Variants in DLG1 observed in about 807,000 individuals in gnomAD.
The protein encoded by DLG1 is discs large MAGUK scaffold protein 1.
Under a neutral mutation model 123.4 loss-of-function variants are expected in DLG1, and 42 were observed. That is an observed-to-expected ratio of 0.34 (90% CI 0.27 to 0.44). DLG1 has a LOEUF of 0.44. Among genes scored for constraint, DLG1 ranks in the 20% least tolerant of loss-of-function variants. The probability of loss-of-function intolerance (pLI) is 1.00; values close to 1 mark genes in which losing one functional copy is unlikely to be tolerated. For synonymous variants in DLG1, 317 were observed against 356.2 expected (o/e 0.89, Z 1.24); for missense variants, 942 against 1,082.6 (o/e 0.87, Z 1.82).
At chr3:197,152,762 C>CAAAAA (rs63446260) in intron 5 of DLG1, among the ~76,000 whole-genome samples, 6 of 52,520 alleles carry the variant, frequency 1.1e-4, no homozygotes, top group African/African-American at 1.6e-4. Flanking sequence ...GACTCTGTCT[C>CAAAAA]AAAAAAAAAA....
At chr3:197,137,566 A>T (rs1368246637) in intron 9 of DLG1, among the ~76,000 whole-genome samples, 2 of 152,210 alleles carry the variant, frequency 1.3e-5, no homozygotes, top group Admixed American at 1.3e-4. Flanking sequence ...TACTTTTAAA[A>T]ACTCTTAAAA....
rs1804920638 is a variant in DLG1 at position 197,172,840 on chromosome 3, C to A, written c.483+21585G>T. On this transcript the variant is annotated intron_variant, in intron 5 of 24. Coordinates refer to ENST00000667157, the MANE Select transcript of DLG1 (RefSeq NM_001366207.1). ...GCAATAATGAATTGCCTAATAATGT[C>A]CCATTTGAAAATAAACATGTCTTGG... Among the ~76,000 whole-genome samples, 3 of 152,244 alleles carry A rather than the reference C, an allele frequency of 2.0e-5. No individual in the cohort carries two copies. In the South Asian group the frequency reaches 6.2e-4, roughly 32 times the overall value.
chr3:197,149,037 C>T (rs1323122792), intron 6 of DLG1, among the ~76,000 whole-genome samples: 1 of 152,058 alleles, frequency 6.6e-6, no homozygotes, highest in Non-Finnish European at 1.5e-5. Flanking sequence ...TACTTTTTTA[C>T]CTTAACAAAT....
At chr3:197,076,743 G>C in intron 17 of DLG1, 58 bp from the exon 18 acceptor site, 1 of 1,311,142 alleles carries the variant, frequency 7.6e-7, no homozygotes, top group Non-Finnish European at 1.1e-6. Context: ...GTGTACAAAG[G>C]CCCAGCCTAG....
chr3:197,113,613 C>G (rs1378197363), intron 13 of DLG1, among the ~76,000 whole-genome samples: 2 of 152,098 alleles, frequency 1.3e-5, no homozygotes, highest in Non-Finnish European at 2.9e-5. Flanking sequence ...CTTTTACTTA[C>G]AACCCATGAA....
rs1474220632 is a variant in DLG1 at position 197,282,711 on chromosome 3, T to C, written c.286A>G (p.Thr96Ala). The change falls in exon 4 of 25, where the codon ACA (threonine) becomes GCA (alanine). Residue 96 changes from threonine to alanine, a missense_variant. Coordinates refer to ENST00000667157, the MANE Select transcript of DLG1 (RefSeq NM_001366207.1). ...CTAGGGCTAAGGCTGCTTGGCAGTG[T>C]CTCTGAAGTCACAGTAGAGCTTGGA... The part of the protein sequence containing the change: ...SLPSSTVTSE[T>A]LPSSLSPSVE... The C allele has an allele frequency of 1.2e-6, 2 of 1,609,046 alleles. No individual in the cohort carries two copies. The highest frequency in any genetic ancestry group is 1.7e-5 in the Admixed American group (1 of 58,778).
At chr3:197,282,403 C>A (rs773933757) in intron 4 of DLG1, among the ~76,000 whole-genome samples, 5 of 152,134 alleles carry the variant, frequency 3.3e-5, no homozygotes, top group Non-Finnish European at 7.3e-5. Context: ...ACAGATGAAG[C>A]CTTGTTGAGG....
chr3:197,063,209 TAC>T (rs1015059461), intron 22 of DLG1, among the ~76,000 whole-genome samples: 25 of 150,120 alleles, frequency 1.7e-4, no homozygotes, highest in Non-Finnish European at 3.6e-4. Context: ...AAAAAAGAAA[TAC>T]AGTCAGGTTT....
intron 4 of DLG1, among the ~76,000 whole-genome samples, chr3:197,224,850 GA>G (rs148243160): frequency 0.017 from 2,607 of 152,002 alleles, 83 homozygotes; most frequent in African/African-American, 0.059. Flanking sequence ...AAACTAAAAA[GA>G]AAAAAAAGTT....
intron 3 of DLG1, chr3:197,293,779 C>G (rs1776067698): frequency 6.5e-6 from 1 of 153,838 alleles, no homozygotes; most frequent in South Asian, 2.0e-4. Context: ...CAAGTGATTT[C>G]CAAATTAAGG....
chr3:197,152,436 T>G (rs548443235), intron 5 of DLG1, among the ~76,000 whole-genome samples: 353 of 149,164 alleles, frequency 2.4e-3, no homozygotes, highest in Non-Finnish European at 3.6e-3. Context: ...TTTTTTTTTT[T>G]TTTTGAGATG....
chr3:197,102,917 G>A (rs1764302332), intron 14 of DLG1, among the ~76,000 whole-genome samples: 1 of 152,162 alleles, frequency 6.6e-6, no homozygotes, highest in South Asian at 2.1e-4. Flanking sequence ...AGCTATTCCA[G>A]AAAGTCGAGG....
chr3:197,113,484 C>G (rs1227317359), intron 13 of DLG1, among the ~76,000 whole-genome samples: 1 of 152,120 alleles, frequency 6.6e-6, no homozygotes, highest in Non-Finnish European at 1.5e-5. Context: ...TTTTATCTTT[C>G]TCGCTGCTTT....
chr3:197,056,824 C>A (rs1732014048), intron 23 of DLG1, among the ~76,000 whole-genome samples: 1 of 152,150 alleles, frequency 6.6e-6, no homozygotes, highest in African/African-American at 2.4e-5. Flanking sequence ...TAGTCACCAA[C>A]CCATTCTTAC....
rs191310356 is a variant in DLG1 at position 197,219,333 on chromosome 3, T to A, written c.319-24744A>T. Among the ~76,000 whole-genome samples, 29 of 152,340 alleles carry A rather than the reference T, an allele frequency of 1.9e-4. No homozygotes were observed. The East Asian group carries it at 5.6e-3, about 29-fold the overall frequency. On this transcript the variant is annotated intron_variant, in intron 4 of 24. Transcript: ENST00000667157. ...AAATTCAAGTAATTTAAACATTGAA[T>A]ATTCTTAAACCACATCACCTTTACT...
chr3:197,138,999 CTATA>C (rs549241563), intron 8 of DLG1, among the ~76,000 whole-genome samples: 151 of 152,224 alleles, frequency 9.9e-4, no homozygotes, highest in Non-Finnish European at 1.8e-3. Flanking sequence ...CTATTCCAAC[CTATA>C]TATTAGACAT....
At chr3:197,217,243 A>G (rs1356093444) in intron 4 of DLG1, among the ~76,000 whole-genome samples, 1 of 152,214 alleles carries the variant, frequency 6.6e-6, no homozygotes, top group Non-Finnish European at 1.5e-5. Context: ...TAAGTACACA[A>G]AGGTGGATGA....
chr3:197,277,033 A>G lies in DLG1; in HGVS notation c.318+5646T>C, dbSNP rs371937135. Among the ~76,000 whole-genome samples the G allele has an allele frequency of 4.2e-3, 638 of 151,904 alleles. 1 individual carries two copies. Among genetic ancestry groups the G allele is most frequent in the South Asian group, 0.022 (106 of 4,814 alleles). On this transcript the variant is annotated intron_variant, in intron 4 of 24. Transcript: ENST00000667157. Reference sequence around the variant, plus strand: ...CAGCCTCCTGAGTAGCTGGGACCACAGGAGGGAGCCACTACACCCAGCTAA... The same window carrying G: ...CAGCCTCCTGAGTAGCTGGGACCACGGGAGGGAGCCACTACACCCAGCTAA...
chr3:197,225,974 G>A (rs972754340), intron 4 of DLG1: 3 of 152,524 alleles, frequency 2.0e-5, no homozygotes, highest in Admixed American at 6.5e-5. Context: ...CAGACCCTGA[G>A]CATTTAAATC....
Sources: allele counts gnomAD v4.1 joint callset (sites outside exome capture counted in the v4.1 genomes callset), GRCh38; gene constraint gnomAD v4.1.1; transcripts MANE v1.5; gene names NCBI Gene and HGNC (gene_info 2026-07-23, HGNC 2026-07-21).